The following PFKP variants were observed in gnomAD, a reference collection of about 807,000 sequenced individuals.
PFKP encodes the protein ATP-dependent 6-phosphofructokinase, platelet type.
PFKP carries 101 observed loss-of-function variants against 94.3 expected under a neutral mutation model. The ratio of observed to expected loss-of-function variants is 1.07; its 90% CI spans 0.91 to 1.26. PFKP has a LOEUF of 1.26. PFKP is among the 50% of genes most tolerant of loss of function. PFKP has a pLI of 0.00. For missense variants in PFKP, 1,145 were observed against 1,103.3 expected (o/e 1.04, Z -0.53); for synonymous variants, 573 against 432.6 (o/e 1.32, Z -4.03).
intron 1 of PFKP, among the ~76,000 whole-genome samples, chr10:3,077,198 G>A (rs1056783553): frequency 2.6e-5 from 4 of 151,806 alleles, no homozygotes; most frequent in African/African-American, 9.7e-5. Context: ...AGACAATGGA[G>A]GAGGTAAAAG....
chr10:3,080,377 C>T (rs1175078648), intron 1 of PFKP, among the ~76,000 whole-genome samples: 3 of 151,908 alleles, frequency 2.0e-5, no homozygotes, highest in South Asian at 2.1e-4. Context: ...ATTAGCCAGG[C>T]GTGGTGGCGG....
intron 13 of PFKP, 122 bp from the exon 14 acceptor site, chr10:3,116,654 T>C (rs976972817): frequency 6.6e-6 from 5 of 761,352 alleles, no homozygotes; most frequent in Non-Finnish European, 4.8e-6. Flanking sequence ...TGCTGTCTCA[T>C]ACGCCTCTCA....
rs1421849229 is a variant in PFKP, at chr10:3,113,461, C to T, written c.1314C>T (p.Ala438=). The change falls in exon 13 of 22, where the codon GCC becomes GCT. Residue 438 remains alanine (A), a synonymous_variant. Coordinates refer to ENST00000381125, the MANE Select transcript of PFKP (RefSeq NM_002627.5). ...GCTCAGCTGTGCGCGTGGGCATTGC[C>T]GACGGCCACAGGATGCTCGCCATCT... ...AVRSAVRVGI[A]DGHRMLAIYD... 1.4e-5 allele frequency: 22 copies of T among 1,612,970 alleles called. No homozygotes were observed. In the Admixed American group the frequency reaches 2.0e-4, roughly 15 times the overall value.
intron 4 of PFKP, among the ~76,000 whole-genome samples, chr10:3,102,200 G>A (rs562983949): frequency 9.3e-5 from 12 of 128,592 alleles, no homozygotes; most frequent in African/African-American, 2.6e-4. Context: ...GCAGTGAGCC[G>A]AGGTCCCGCC....
chr10:3,134,876 C>T (rs946926972), intron 20 of PFKP, among the ~76,000 whole-genome samples: 43 of 152,320 alleles, frequency 2.8e-4, no homozygotes, highest in Non-Finnish European at 5.3e-4. Context: ...CCAGCAATTT[C>T]CCCTCACAGT....
intron 17 of PFKP, among the ~76,000 whole-genome samples, chr10:3,130,862 G>A (rs906276034): frequency 6.6e-6 from 1 of 152,116 alleles, no homozygotes; most frequent in Non-Finnish European, 1.5e-5. Flanking sequence ...CAGCACCATT[G>A]TCTTTTAAAA....
chr10:3,123,651 C>G (rs1448532684), intron 16 of PFKP, among the ~76,000 whole-genome samples: 2 of 152,190 alleles, frequency 1.3e-5, no homozygotes, highest in African/African-American at 4.8e-5. Flanking sequence ...GTCCTGAGCT[C>G]GGGTATTCCA....
chr10:3,076,220 C>T (rs1287729742), intron 1 of PFKP, among the ~76,000 whole-genome samples: 1 of 152,072 alleles, frequency 6.6e-6, no homozygotes, highest in African/African-American at 2.4e-5. Context: ...GCCAGCGGCT[C>T]CTCTGAGGGA....
chr10:3,083,959 G>A lies in PFKP; in HGVS notation c.186+1498G>A, dbSNP rs137950916. 6.2e-3 allele frequency among the ~76,000 whole-genome samples: 948 copies of A among 152,298 alleles called. 10 individuals carry two copies. Among genetic ancestry groups the A allele is most frequent in the African/African-American group, 0.021 (892 of 41,560 alleles). Reference sequence around the variant, plus strand: ...CGCCCAGCCAACTGTTGCTTTAAATGTCAACATACTGTCTTGTTGAATTGA... The same window carrying A: ...CGCCCAGCCAACTGTTGCTTTAAATATCAACATACTGTCTTGTTGAATTGA... On this transcript the variant is annotated intron_variant, in intron 2 of 21. Coordinates refer to ENST00000381125, the MANE Select transcript of PFKP (RefSeq NM_002627.5).
chr10:3,111,155 T>A (rs575854621), intron 10 of PFKP, among the ~76,000 whole-genome samples: 1 of 152,278 alleles, frequency 6.6e-6, no homozygotes, highest in East Asian at 1.9e-4. Flanking sequence ...TGTGTGTGCA[T>A]GTGTTTATAT....
intron 2 of PFKP, among the ~76,000 whole-genome samples, chr10:3,091,207 C>G (rs1834016193): frequency 6.6e-6 from 1 of 152,112 alleles, no homozygotes; most frequent in African/African-American, 2.4e-5. Flanking sequence ...ATTGTTGCTT[C>G]TTTCTTTTTT....
At chr10:3,092,337 C>T (rs867201402) in intron 2 of PFKP, among the ~76,000 whole-genome samples, 6 of 152,058 alleles carry the variant, frequency 3.9e-5, no homozygotes, top group East Asian at 3.9e-4. Flanking sequence ...TAGTTGGTCT[C>T]GTGGAGGTAG....
intron 16 of PFKP, among the ~76,000 whole-genome samples, chr10:3,123,296 G>A (rs1264364223): frequency 2.0e-5 from 3 of 152,206 alleles, no homozygotes; most frequent in African/African-American, 4.8e-5. Context: ...GTCAGCTGCC[G>A]CGAAGGTGGC....
chr10:3,067,695 G>A lies in PFKP; in HGVS notation c.100G>A (p.Gly34Arg). ...GGCCATCGGCGTGCTGACCAGCGGC[G>A]GGGATGCTCAAGGTGCGCGCCCCCC... Reference protein sequence around the residue: ...GKAIGVLTSGGDAQGMNAAVR... With the variant: ...GKAIGVLTSGRDAQGMNAAVR... The change falls in exon 1 of 22, where the codon GGG becomes AGG. Residue 34 changes from glycine (G) to arginine (R), a missense_variant. Gly to Arg is a moderately radical substitution (Grantham distance 125). Transcript: ENST00000381125. The A allele has an allele frequency of 1.3e-6, 2 of 1,505,256 alleles. No individual in the cohort carries two copies. Among genetic ancestry groups the A allele is most frequent in the Non-Finnish European group, 8.9e-7 (1 of 1,125,310 alleles). The allele number at this position is 1,505,256 out of a possible 1,614,324, so 93.2% of individuals were successfully genotyped here.
At chr10:3,095,848 G>A (rs565568209) in intron 2 of PFKP, among the ~76,000 whole-genome samples, 1 of 152,302 alleles carries the variant, frequency 6.6e-6, no homozygotes, top group Admixed American at 6.5e-5. Context: ...TTCCATGGGC[G>A]TCGTGACTTT....
At chr10:3,089,419 C>T (rs920848862) in intron 2 of PFKP, among the ~76,000 whole-genome samples, 13 of 151,902 alleles carry the variant, frequency 8.6e-5, no homozygotes, top group South Asian at 2.1e-4. Context: ...TGTAGGAGTG[C>T]GGAGGTCTCT....
At chr10:3,096,502 G>A (rs1321822372) in intron 2 of PFKP, among the ~76,000 whole-genome samples, 1 of 152,118 alleles carries the variant, frequency 6.6e-6, no homozygotes, top group African/African-American at 2.4e-5. Context: ...GTCCTCTCAG[G>A]GAGGTCCCGG....
chr10:3,115,376 A>G (rs1264392680), intron 13 of PFKP, among the ~76,000 whole-genome samples: 17,275 of 52,906 alleles, frequency 0.33, 4,677 homozygotes, highest in East Asian at 0.59. Flanking sequence ...TGTGTCCCGC[A>G]GCTGAGAACA....
intron 16 of PFKP, among the ~76,000 whole-genome samples, chr10:3,121,803 C>CTTTTTT (rs759926178): frequency 0.01 from 332 of 32,584 alleles, 25 homozygotes; most frequent in East Asian, 0.039. Flanking sequence ...CTTTTTTTTT[C>CTTTTTT]TTTTTTTTTT....
Sources: allele counts gnomAD v4.1 joint callset (sites outside exome capture counted in the v4.1 genomes callset), GRCh38; gene constraint gnomAD v4.1.1; transcripts MANE v1.5; gene names NCBI Gene and HGNC (gene_info 2026-07-23, HGNC 2026-07-21).